Variants in LNX2 observed in about 807,000 individuals in gnomAD.
LNX2 encodes ligand of Numb protein X 2.
LNX2 carries 35 observed loss-of-function variants against 66.2 expected under a neutral mutation model. The observed-to-expected ratio is 0.53, with a 90% CI of 0.40 to 0.70. The LOEUF (loss-of-function observed/expected upper bound fraction) is 0.70. LNX2 is among the 30% of genes least tolerant of loss of function. The probability of loss-of-function intolerance (pLI) is 0.00; values close to 1 mark genes in which losing one functional copy is unlikely to be tolerated. For missense variants in LNX2, 791 were observed against 850.8 expected (o/e 0.93, Z 0.87); for synonymous variants, 337 against 315.6 (o/e 1.07, Z -0.72).
At chr13:27,614,219 A>C (rs770280280) in intron 1 of LNX2, among the ~76,000 whole-genome samples, 9 of 152,248 alleles carry the variant, frequency 5.9e-5, no homozygotes, top group Non-Finnish European at 1.3e-4. Context: ...ACCTGAATTC[A>C]GCTAAGGTAT....
chr13:27,613,287 T>G (rs1593267537), intron 1 of LNX2, among the ~76,000 whole-genome samples: 3 of 147,518 alleles, frequency 2.0e-5, no homozygotes, highest in East Asian at 2.0e-4. Flanking sequence ...GAGGGGAGGG[T>G]GAGGTGGAAC....
chr13:27,593,320 T>G (rs776971373), intron 1 of LNX2, among the ~76,000 whole-genome samples: 20 of 152,144 alleles, frequency 1.3e-4, no homozygotes, highest in Non-Finnish European at 2.8e-4. Flanking sequence ...AAATCATTCT[T>G]CTACAATGGT....
chr13:27,595,459 G>A (rs895238076), intron 1 of LNX2, among the ~76,000 whole-genome samples: 2 of 141,456 alleles, frequency 1.4e-5, no homozygotes, highest in Admixed American at 1.4e-4. Context: ...TAAACCTGAG[G>A]AAAGGGAATA....
chr13:27,611,354 A>G (rs1638626756), intron 1 of LNX2, among the ~76,000 whole-genome samples: 1 of 152,254 alleles, frequency 6.6e-6, no homozygotes, highest in South Asian at 2.1e-4. Context: ...GTCACACAAA[A>G]AAAGACATAT....
chr13:27,557,504 T>C (rs1171234446), intron 6 of LNX2, among the ~76,000 whole-genome samples: 1 of 152,120 alleles, frequency 6.6e-6, no homozygotes, highest in Non-Finnish European at 1.5e-5. Context: ...TGTAAGATAA[T>C]GTCTCAGAAG....
intron 9 of LNX2, among the ~76,000 whole-genome samples, chr13:27,549,932 G>A (rs936803658): frequency 6.6e-6 from 1 of 152,188 alleles, no homozygotes. Context: ...AACTTACTCA[G>A]CGCTCAATGT....
chr13:27,576,035 C>T (rs529067146), intron 2 of LNX2, among the ~76,000 whole-genome samples: 96 of 152,220 alleles, frequency 6.3e-4, no homozygotes, highest in Non-Finnish European at 1.1e-3. Context: ...AAGTCAGTGA[C>T]TGGCAGAATG....
At chr13:27,610,730 T>C (rs541824278) in intron 1 of LNX2, among the ~76,000 whole-genome samples, 1 of 152,128 alleles carries the variant, frequency 6.6e-6, no homozygotes, top group South Asian at 2.1e-4. Flanking sequence ...TCGTATCTGA[T>C]AAGAGGTTAA....
At chr13:27,589,680 C>T (rs1048143892) in intron 1 of LNX2, among the ~76,000 whole-genome samples, 3 of 152,028 alleles carry the variant, frequency 2.0e-5, no homozygotes, top group Non-Finnish European at 4.4e-5. Flanking sequence ...CTGCCTGATT[C>T]CTACACTGAA....
intron 5 of LNX2, among the ~76,000 whole-genome samples, chr13:27,560,565 GTATATATATATA>G (rs71083675): frequency 8.3e-6 from 1 of 119,970 alleles, no homozygotes; most frequent in Non-Finnish European, 1.7e-5. Context: ...ATGTATGTGT[GTATATATATATA>G]TATATATAGC....
chr13:27,581,182 T>TC, intron 2 of LNX2, 115 bp downstream of exon 2: 2 of 681,768 alleles, frequency 2.9e-6, no homozygotes, highest in Non-Finnish European at 4.6e-6. Flanking sequence ...CTGTACTTGA[T>TC]TCACCCATTT....
intron 7 of LNX2, 128 bp from the exon 8 acceptor site, chr13:27,553,567 A>C: frequency 1.6e-6 from 1 of 615,610 alleles, no homozygotes; most frequent in Non-Finnish European, 2.9e-6. Context: ...ATAATAATAA[A>C]TGGCATTTAT....
At chr13:27,578,797 C>G (rs1308250567) in intron 2 of LNX2, among the ~76,000 whole-genome samples, 4 of 152,178 alleles carry the variant, frequency 2.6e-5, no homozygotes, top group Non-Finnish European at 5.9e-5. Flanking sequence ...ACAACTGTTG[C>G]AGTCCCTGGC....
chr13:27,600,568 T>C (rs1955646386), intron 1 of LNX2, among the ~76,000 whole-genome samples: 1 of 152,188 alleles, frequency 6.6e-6, no homozygotes, highest in Non-Finnish European at 1.5e-5. Flanking sequence ...TGTAGAATTC[T>C]TTCAGCTGCA....
intron 2 of LNX2, among the ~76,000 whole-genome samples, 163 bp from the exon 3 acceptor site, chr13:27,569,439 T>C (rs918354997): frequency 4.6e-5 from 7 of 152,304 alleles, no homozygotes; most frequent in East Asian, 1.9e-4. Flanking sequence ...ACTAAGTTCT[T>C]ACTGCTCCAT....
intron 4 of LNX2, among the ~76,000 whole-genome samples, chr13:27,566,975 A>G (rs1342012474): frequency 6.6e-6 from 1 of 152,166 alleles, no homozygotes; most frequent in Non-Finnish European, 1.5e-5. Flanking sequence ...GCCCTCTAAT[A>G]AAATATCTTG....
intron 1 of LNX2, among the ~76,000 whole-genome samples, chr13:27,611,563 G>A (rs968983012): frequency 2.6e-5 from 4 of 152,276 alleles, no homozygotes; most frequent in African/African-American, 9.6e-5. Context: ...CTTAAAAATG[G>A]TTACGATAGT....
intron 1 of LNX2, among the ~76,000 whole-genome samples, chr13:27,588,483 A>G (rs1162954154): frequency 5.9e-5 from 9 of 152,224 alleles, no homozygotes; most frequent in Admixed American, 5.2e-4. Flanking sequence ...AATTATAGAA[A>G]TGGATTAGAG....
chr13:27,613,167 GT>G (rs1419947012), intron 1 of LNX2, among the ~76,000 whole-genome samples: 3 of 152,132 alleles, frequency 2.0e-5, no homozygotes, highest in Admixed American at 6.5e-5. Flanking sequence ...CAAAAGACAA[GT>G]CCAAGGGAGG....
Sources: gnomAD v4.1 joint callset for allele counts (sites outside exome capture counted in the v4.1 genomes callset) on GRCh38, gnomAD v4.1.1 for gene constraint, MANE v1.5 for transcripts, NCBI Gene and HGNC (gene_info 2026-07-23, HGNC 2026-07-21) for gene names.